The following ENTREP2 variants were observed in gnomAD, a reference collection of about 807,000 sequenced individuals.
ENTREP2 encodes protein ENTREP2.
At chr15:29,336,565 C>T in the ENTREP2 span, among the ~76,000 whole-genome samples, 7 of 152,166 alleles carry the variant, frequency 4.6e-5, no homozygotes, top group African/African-American at 9.7e-5. Flanking sequence ...CCTGCCTCAG[C>T]CTCCCAAACT....
the ENTREP2 span, among the ~76,000 whole-genome samples, chr15:29,373,321 G>T: frequency 2.6e-5 from 4 of 152,098 alleles, no homozygotes; most frequent in South Asian, 6.2e-4. Flanking sequence ...ATCAGGTCGG[G>T]GTGAGGAAGG....
At chr15:29,224,406 T>G in the ENTREP2 span, among the ~76,000 whole-genome samples, 1 of 152,186 alleles carries the variant, frequency 6.6e-6, no homozygotes, top group African/African-American at 2.4e-5. Context: ...GGGTTGCCAC[T>G]GCTGGCTCGG....
At chr15:29,620,030 T>C in the ENTREP2 span, among the ~76,000 whole-genome samples, 3 of 152,044 alleles carry the variant, frequency 2.0e-5, no homozygotes, top group South Asian at 2.1e-4. Flanking sequence ...ACCAATGGGA[T>C]GATATAGAAT....
At chr15:29,461,080 T>C in the ENTREP2 span, among the ~76,000 whole-genome samples, 92,869 of 151,986 alleles carry the variant, frequency 0.61, 28,605 homozygotes, top group South Asian at 0.66. Flanking sequence ...AGGATGACTG[T>C]AAGACATCAA....
At chr15:29,269,534 G>A in the ENTREP2 span, 4 of 1,521,758 alleles carry the variant, frequency 2.6e-6, no homozygotes, top group Non-Finnish European at 3.5e-6. Context: ...TGCGACCCCT[G>A]CGAGCCGCCC....
the ENTREP2 span, chr15:29,123,180 G>C: frequency 1.3e-6 from 1 of 740,834 alleles, no homozygotes; most frequent in South Asian, 2.3e-5. Flanking sequence ...GGGGGTAACA[G>C]TTCCCTGCCC....
At chr15:29,364,935 G>C in the ENTREP2 span, among the ~76,000 whole-genome samples, 1 of 152,208 alleles carries the variant, frequency 6.6e-6, no homozygotes, top group East Asian at 1.9e-4. Context: ...ATCACTCAGA[G>C]TCCATGGTTT....
At chr15:29,174,303 T>A in the ENTREP2 span, among the ~76,000 whole-genome samples, 2 of 152,170 alleles carry the variant, frequency 1.3e-5, no homozygotes, top group African/African-American at 4.8e-5. Context: ...ATTCCTTGCA[T>A]GACAATGGAG....
the ENTREP2 span, among the ~76,000 whole-genome samples, chr15:29,582,739 C>T: frequency 6.6e-6 from 1 of 152,098 alleles, no homozygotes; most frequent in Non-Finnish European, 1.5e-5. Flanking sequence ...GCAACCTCTG[C>T]CTCCCAGGTT....
At chr15:29,413,548 G>C in the ENTREP2 span, among the ~76,000 whole-genome samples, 5 of 152,182 alleles carry the variant, frequency 3.3e-5, no homozygotes, top group Admixed American at 3.3e-4. Context: ...ATATTCTTTT[G>C]GTTGACATCT....
chr15:29,609,835 A>G, the ENTREP2 span: 3 of 150,548 alleles, frequency 2.0e-5, no homozygotes, highest in Admixed American at 6.7e-5. Flanking sequence ...GGATATGAAC[A>G]CAGTAGGTGC....
chr15:29,255,729 C>T, the ENTREP2 span, among the ~76,000 whole-genome samples: 1,058 of 152,038 alleles, frequency 7.0e-3, 16 homozygotes, highest in African/African-American at 0.024. Flanking sequence ...TGGCCAGGCG[C>T]GGTGGCTCAT....
the ENTREP2 span, among the ~76,000 whole-genome samples, chr15:29,563,014 A>G: frequency 6.6e-6 from 1 of 151,644 alleles, no homozygotes; most frequent in Non-Finnish European, 1.5e-5. Flanking sequence ...CTGGTCTTCA[A>G]CTCCTGGCTC....
chr15:29,615,777 T>C, the ENTREP2 span, among the ~76,000 whole-genome samples: 1 of 152,152 alleles, frequency 6.6e-6, no homozygotes, highest in Non-Finnish European at 1.5e-5. Flanking sequence ...TTCCTCATAA[T>C]GAAAAGATGA....
chr15:29,155,363 T>G, the ENTREP2 span, among the ~76,000 whole-genome samples: 3 of 151,974 alleles, frequency 2.0e-5, no homozygotes, highest in Admixed American at 6.6e-5. Context: ...TTCCCCACTT[T>G]GGAGGTAAGG....
chr15:29,628,516 G>T, the ENTREP2 span, among the ~76,000 whole-genome samples: 3 of 152,134 alleles, frequency 2.0e-5, no homozygotes, highest in Admixed American at 1.3e-4. Flanking sequence ...TTCTATCGAT[G>T]TCCATTAGAT....
At chr15:29,601,606 T>C in the ENTREP2 span, among the ~76,000 whole-genome samples, 6,207 of 152,232 alleles carry the variant, frequency 0.041, 470 homozygotes, top group African/African-American at 0.14. Context: ...AGCTATGTCT[T>C]CCATAACTCC....
At chr15:29,489,813 C>T in the ENTREP2 span, among the ~76,000 whole-genome samples, 2 of 152,164 alleles carry the variant, frequency 1.3e-5, no homozygotes, top group Non-Finnish European at 2.9e-5. Context: ...CGCTCAGCTA[C>T]ACAACCACAG....
At chr15:29,408,825 C>T in the ENTREP2 span, among the ~76,000 whole-genome samples, 2 of 152,150 alleles carry the variant, frequency 1.3e-5, no homozygotes, top group African/African-American at 4.8e-5. Flanking sequence ...CTTAGCCTGT[C>T]ACGTTAACAA....
Sources: allele counts gnomAD v4.1 joint callset (sites outside exome capture counted in the v4.1 genomes callset), GRCh38; gene constraint gnomAD v4.1.1; transcripts MANE v1.5; gene names NCBI Gene and HGNC (gene_info 2026-07-23, HGNC 2026-07-21).